Variants in BRCA1 observed in about 807,000 individuals in gnomAD.
BRCA1 encodes the protein breast cancer type 1 susceptibility protein.
BRCA1 carries 140 observed loss-of-function variants against 173.7 expected under a neutral mutation model. The ratio of observed to expected loss-of-function variants is 0.81; its 90% CI spans 0.70 to 0.93. The LOEUF is 0.93. Ranked by LOEUF, BRCA1 falls within the 40% of genes least tolerant of loss-of-function variation. The pLI is 0.00. For synonymous variants in BRCA1, 662 were observed against 756.0 expected (o/e 0.88, Z 2.04); for missense variants, 1,983 against 2,172.5 (o/e 0.91, Z 1.73).
chr17:43,094,941 G>A (rs941296947), intron 9 of BRCA1, 81 bp from the exon 10 acceptor site: 5 of 1,315,596 alleles, frequency 3.8e-6, no homozygotes, highest in Non-Finnish European at 5.3e-6. Context: ...CCTTGGAGGT[G>A]GAAATCAACC....
At chr17:43,086,605 C>G (rs1215423839) in intron 11 of BRCA1, among the ~76,000 whole-genome samples, 1 of 152,122 alleles carries the variant, frequency 6.6e-6, no homozygotes, top group African/African-American at 2.4e-5. Flanking sequence ...ATAGACACAT[C>G]TCTGGGAATA....
chr17:43,075,585 C>A (rs557411042), intron 13 of BRCA1, among the ~76,000 whole-genome samples: 2 of 151,322 alleles, frequency 1.3e-5, no homozygotes, highest in Non-Finnish European at 2.9e-5. Context: ...TGTTTTGAGA[C>A]GGAGTCTTGC....
Position 43,053,400 on chromosome 17 carries a change from C to T in BRCA1, c.5278-2283G>A, listed in dbSNP as rs369477339. On this transcript the variant is annotated intron_variant, in intron 19 of 22. Transcript: ENST00000357654. ...GTTTCGGGCTTGGCGTAGTGGCTCA[C>T]GCCTGTAATCCCAGCACTTTGGGAG... Among the ~76,000 whole-genome samples, 13 of 152,298 alleles carry T rather than the reference C, an allele frequency of 8.5e-5. No individual in the cohort carries two copies. The East Asian group carries it at 2.1e-3, about 25-fold the overall frequency.
In BRCA1 at chr17:43,047,679, G is replaced by A. The variant is rs397509283; in HGVS notation, c.5431C>T (p.Gln1811Ter). 1 of 1,614,174 alleles carries A rather than the reference G, an allele frequency of 6.2e-7. No homozygotes were observed. Among genetic ancestry groups the A allele is most frequent in the Non-Finnish European group, 8.5e-7 (1 of 1,180,032 alleles). ...TTGTCCTCTGTCCAGGCATCTGGCT[G>A]CACAACCACAATTGGGTGGACACCC... ...GTGVHPIVVV[Q>*]PDAWTEDNGF... Residue 1811 changes from glutamine (Q) to a stop codon, truncating the protein, a stop_gained, in exon 22 of 23, where the codon CAG (glutamine) becomes TAG (stop). Transcript: ENST00000357654. LOFTEE classifies it high-confidence loss of function.
At chr17:43,127,415 GC>G (rs1435687181), upstream of BRCA1, among the ~76,000 whole-genome samples, 5 of 152,240 alleles carry the variant, frequency 3.3e-5, no homozygotes, top group African/African-American at 1.2e-4. Context: ...TCTGTGTCTA[GC>G]TAAAGGATTG....
intron 16 of BRCA1, among the ~76,000 whole-genome samples, chr17:43,064,785 G>C: frequency 6.7e-6 from 1 of 149,872 alleles, no homozygotes; most frequent in East Asian, 1.9e-4. Flanking sequence ...CAAATGTATT[G>C]GCTTTGAGTT....
intron 3 of BRCA1, among the ~76,000 whole-genome samples, chr17:43,112,329 G>A (rs543275480): frequency 5.3e-5 from 8 of 152,164 alleles, no homozygotes; most frequent in Admixed American, 2.6e-4. Flanking sequence ...CTCGTGATCC[G>A]CCCACCTCAG....
At chr17:43,051,994 A>ATGGCCATTGTATCTTTAGGC (rs2051262936) in intron 19 of BRCA1, among the ~76,000 whole-genome samples, 1 of 152,140 alleles carries the variant, frequency 6.6e-6, no homozygotes, top group Non-Finnish European at 1.5e-5. Context: ...TACTCTGAGA[A>ATGGCCATTGTATCTTTAGGC]TGGCCATTGT....
chr17:43,142,966 G>GTA (rs375636698), intron 1 of BRCA1, among the ~76,000 whole-genome samples: 24 of 72,926 alleles, frequency 3.3e-4, no homozygotes, highest in African/African-American at 9.0e-4. Flanking sequence ...GTGTGTGTGT[G>GTA]TATATATATG....
In BRCA1 at chr17:43,147,948, A is replaced by C. The variant is rs574552164; in HGVS notation, c.-20+22178T>G. Among the ~76,000 whole-genome samples, 10 of 152,300 alleles carry C rather than the reference A, an allele frequency of 6.6e-5. No homozygotes were observed. In the East Asian group the frequency reaches 1.9e-3, roughly 29 times the overall value. The stretch of plus-strand genomic sequence containing the variant: ...CCTTCCTATCCCTCCCCACCTCTGG[A>C]AAGGGCTGGGGACAGCAGATGTGTC... On this transcript the variant is annotated intron_variant, in intron 1 of 7. Transcript: ENST00000634433.
chr17:43,159,026 A>T (rs1207061171), intron 1 of BRCA1, among the ~76,000 whole-genome samples: 2 of 152,220 alleles, frequency 1.3e-5, no homozygotes, highest in Non-Finnish European at 2.9e-5. Flanking sequence ...ACTTGAGGTC[A>T]GGAGTTTGAG....
upstream of BRCA1, chr17:43,125,608 C>T (rs1183517960): frequency 6.7e-6 from 2 of 297,586 alleles, no homozygotes; most frequent in Non-Finnish European, 1.3e-5. Context: ...CCTGAGTTTG[C>T]CATAAAGTGC....
At chr17:43,065,700 A>G (rs1451345635) in intron 16 of BRCA1, among the ~76,000 whole-genome samples, 3 of 152,140 alleles carry the variant, frequency 2.0e-5, no homozygotes, top group Admixed American at 6.6e-5. Flanking sequence ...AAGAATCATC[A>G]TCAAGTGAAC....
upstream of BRCA1, among the ~76,000 whole-genome samples, chr17:43,126,090 C>T (rs1181708498): frequency 6.6e-6 from 1 of 152,206 alleles, no homozygotes; most frequent in Admixed American, 6.5e-5. Flanking sequence ...GAGTCTGGGG[C>T]AAGTAGTCTT....
chr17:43,086,169 A>G (rs2154195208), intron 11 of BRCA1, among the ~76,000 whole-genome samples: 1 of 149,742 alleles, frequency 6.7e-6, no homozygotes, highest in African/African-American at 2.5e-5. Flanking sequence ...CCAATAATCC[A>G]TCTCCTATCG....
intron 18 of BRCA1, among the ~76,000 whole-genome samples, chr17:43,058,741 T>A (rs1361453717): frequency 6.6e-6 from 1 of 152,212 alleles, no homozygotes; most frequent in Non-Finnish European, 1.5e-5. Flanking sequence ...CTTTTCAGAT[T>A]TCCACTGAGA....
intron 1 of BRCA1, among the ~76,000 whole-genome samples, chr17:43,156,333 C>G (rs2056197157): frequency 6.6e-6 from 1 of 152,076 alleles, no homozygotes; most frequent in East Asian, 1.9e-4. Flanking sequence ...CATGGTGTTT[C>G]TGACGTAGCA....
intron 12 of BRCA1, chr17:43,079,621 C>A: frequency 1.2e-6 from 1 of 834,160 alleles, no homozygotes; most frequent in Non-Finnish European, 2.1e-6. Context: ...TCCTGAAACG[C>A]GTGAAGGAAA....
At chr17:43,050,383 T>C (rs958067780) in intron 20 of BRCA1, among the ~76,000 whole-genome samples, 2 of 150,262 alleles carry the variant, frequency 1.3e-5, no homozygotes, top group Non-Finnish European at 3.0e-5. Flanking sequence ...CTGAGGCGGG[T>C]GGATCACGAG....
Sources: allele counts gnomAD v4.1 joint callset (sites outside exome capture counted in the v4.1 genomes callset), GRCh38; gene constraint gnomAD v4.1.1; transcripts MANE v1.5; gene names NCBI Gene and HGNC (gene_info 2026-07-23, HGNC 2026-07-21).